IQSEC1: variants seen among roughly 807,000 people sequenced by gnomAD.
IQSEC1 encodes the protein IQ motif and Sec7 domain ArfGEF 1, also known as IQ motif and SEC7 domain-containing protein 1.
A neutral mutation model predicts 91.0 loss-of-function variants in IQSEC1; 31 were observed. The ratio of observed to expected loss-of-function variants is 0.34; its 90% CI spans 0.26 to 0.46. The LOEUF (loss-of-function observed/expected upper bound fraction) is 0.46, where lower values mean the gene tolerates loss of function less well. Among genes scored for constraint, IQSEC1 ranks in the 20% least tolerant of loss-of-function variants. IQSEC1 has a pLI of 1.00. For missense variants in IQSEC1, 1,388 were observed against 1,575.6 expected (o/e 0.88, Z 2.02); for synonymous variants, 699 against 662.6 (o/e 1.05, Z -0.84).
intron 1 of IQSEC1, among the ~76,000 whole-genome samples, chr3:13,165,610 A>C (rs1344057569): frequency 2.2e-5 from 3 of 138,204 alleles, no homozygotes; most frequent in Admixed American, 7.7e-5. Flanking sequence ...TCGCCATCTT[A>C]GGTTGCTCAC....
At chr3:12,905,181 C>T (rs1380132719) in intron 12 of IQSEC1, among the ~76,000 whole-genome samples, 3 of 152,258 alleles carry the variant, frequency 2.0e-5, no homozygotes, top group East Asian at 1.9e-4. Flanking sequence ...TAGTGGCTCA[C>T]ACCACACACG....
intron 2 of IQSEC1, among the ~76,000 whole-genome samples, chr3:13,085,499 A>C (rs1440082208): frequency 6.6e-6 from 1 of 152,176 alleles, no homozygotes; most frequent in Non-Finnish European, 1.5e-5. Flanking sequence ...AGTGTGTTTA[A>C]GGACCAGAAA....
intron 1 of IQSEC1, among the ~76,000 whole-genome samples, chr3:13,043,799 C>G (rs758358252): frequency 6.6e-5 from 10 of 152,202 alleles, no homozygotes; most frequent in Admixed American, 5.9e-4. Context: ...ACACTCACCC[C>G]CTCTGGCCGC....
chr3:13,024,763 C>T (rs1487703353), intron 1 of IQSEC1, among the ~76,000 whole-genome samples: 2 of 152,228 alleles, frequency 1.3e-5, no homozygotes, highest in Non-Finnish European at 2.9e-5. Flanking sequence ...ACCCATCCAT[C>T]CACTCATCGG....
chr3:13,072,356 C>T (rs1419270418), intron 1 of IQSEC1, among the ~76,000 whole-genome samples: 3 of 152,206 alleles, frequency 2.0e-5, no homozygotes, highest in Non-Finnish European at 4.4e-5. Context: ...CCTGGCTAAC[C>T]GAAGCGCAGG....
chr3:12,900,065 T>G lies in IQSEC1; in HGVS notation c.*918A>C. The G allele has an allele frequency of 1.0e-6, 1 of 985,324 alleles. No individual in the cohort carries two copies. Among genetic ancestry groups the G allele is most frequent in the Non-Finnish European group, 1.2e-6 (1 of 829,872 alleles). The allele number at this position is 985,324 out of a possible 1,614,324, so 61.0% of individuals were successfully genotyped here. A position where few individuals can be genotyped will look rare whatever the true frequency, so the allele number is the denominator to read the frequency against. ...AAGACAACCAGCTTGTAACCAGCTG[T>G]CCTGAGTTGCTACTGTAGAGTGTAC... On this transcript the variant is annotated 3_prime_UTR_variant, in exon 14 of 14. Coordinates refer to ENST00000613206, the MANE Select transcript of IQSEC1 (RefSeq NM_001134382.3).
chr3:13,207,085 G>C lies in IQSEC1; in HGVS notation c.273-42952C>G, dbSNP rs561737537. Among the ~76,000 whole-genome samples, 6 of 152,218 alleles carry C rather than the reference G, an allele frequency of 3.9e-5. No homozygotes were observed. In the East Asian group the frequency reaches 9.7e-4, roughly 25 times the overall value. On this transcript the variant is annotated intron_variant, in intron 1 of 15. Coordinates refer to the IQSEC1 transcript ENST00000648114. This position sits in a 1 kb window ranked among gnomAD's most constrained non-coding sequence, Gnocchi z 4.8. ...GAGCTTCGTAGACCTGGGCAGGGCT[G>C]TTGGGAGTTGCTGGCCCTGACAATT...
chr3:13,109,375 T>G (rs978150990), intron 2 of IQSEC1, among the ~76,000 whole-genome samples: 7 of 152,126 alleles, frequency 4.6e-5, no homozygotes, highest in Non-Finnish European at 1.0e-4. Flanking sequence ...AGTGTGTGGA[T>G]AGACAGAGCC....
At chr3:12,912,437 G>A (rs1559612320) in intron 9 of IQSEC1, among the ~76,000 whole-genome samples, 3 of 152,180 alleles carry the variant, frequency 2.0e-5, no homozygotes, top group Non-Finnish European at 4.4e-5. Context: ...ATTCGCTCAA[G>A]GTCAGGAGTT....
At chr3:13,041,894 A>T (rs771736294) in intron 1 of IQSEC1, among the ~76,000 whole-genome samples, 20 of 152,166 alleles carry the variant, frequency 1.3e-4, no homozygotes, top group Non-Finnish European at 2.2e-4. Context: ...GTGCTTAGGG[A>T]GGAGGCAGGC....
intron 1 of IQSEC1, among the ~76,000 whole-genome samples, chr3:12,949,377 G>T (rs1187167359): frequency 2.0e-5 from 3 of 152,270 alleles, no homozygotes; most frequent in African/African-American, 7.2e-5. Flanking sequence ...CATGCTAGAG[G>T]AAGCAGGCAA....
chr3:13,004,840 C>T (rs770212330), intron 1 of IQSEC1, among the ~76,000 whole-genome samples: 12 of 152,142 alleles, frequency 7.9e-5, no homozygotes, highest in Non-Finnish European at 1.6e-4. Context: ...CAAATATCCA[C>T]GAGGTAGCCT....
chr3:13,070,754 G>A (rs1340525470), intron 1 of IQSEC1, among the ~76,000 whole-genome samples: 4 of 152,232 alleles, frequency 2.6e-5, no homozygotes, highest in African/African-American at 7.2e-5. Flanking sequence ...GAGCCTGAGA[G>A]CTGGAGAAGA....
rs1700650853 is a variant in IQSEC1 at position 12,967,419 on chromosome 3, G to A, written c.24-25554C>T. On this transcript the variant is annotated intron_variant, in intron 1 of 13. Coordinates refer to ENST00000613206, the MANE Select transcript of IQSEC1 (RefSeq NM_001134382.3). The surrounding 1 kb of genome is among the most constrained non-coding windows in gnomAD (Gnocchi z 5.9). ...CAAGCTCTAGCTCCAGAAGGGACTG[G>A]GTCCTCTCCGAGTTGCAGTGCAGGC... The A allele has an allele frequency of 6.5e-7, 1 of 1,535,048 alleles. No homozygotes were observed. Among genetic ancestry groups the A allele is most frequent in the Admixed American group, 2.0e-5 (1 of 50,702 alleles).
chr3:13,072,168 C>G (rs950262106), intron 1 of IQSEC1, among the ~76,000 whole-genome samples: 1 of 152,336 alleles, frequency 6.6e-6, no homozygotes, highest in East Asian at 1.9e-4. Flanking sequence ...TGCACAGCCC[C>G]AAATGAGTGG....
At chr3:12,911,822 G>C in intron 9 of IQSEC1, 94 bp from the exon 10 acceptor site, 1 of 857,804 alleles carries the variant, frequency 1.2e-6, no homozygotes, top group Non-Finnish European at 1.9e-6. Flanking sequence ...GGAGTTCAAA[G>C]TCAGGAGGAC....
In IQSEC1 at chr3:12,901,202, A is replaced by ATGG. The variant is rs750152834; in HGVS notation, c.3123_3125dup (p.His1047dup). On this transcript the variant is annotated inframe_insertion, in exon 14 of 14. Transcript: ENST00000613206. ...GCTGGGGTGGGTGGTGGTGGTGGTG[A>ATGG]TGGTGGTACGGGGGAGGGTTCTGCA... 6.5e-7 allele frequency: 1 copy of ATGG among 1,542,412 alleles called. No individual in the cohort carries two copies. The highest frequency in any genetic ancestry group is 2.0e-5 in the Admixed American group (1 of 50,786).
rs552028999 is a variant in IQSEC1, at chr3:12,905,531, G to A, written c.2756-2709C>T. 1.6e-3 allele frequency among the ~76,000 whole-genome samples: 247 copies of A among 152,386 alleles called. 1 individual carries two copies. The highest frequency in any genetic ancestry group is 9.7e-3 in the South Asian group (47 of 4,832). On this transcript the variant is annotated intron_variant, in intron 12 of 13. Coordinates refer to ENST00000613206, the MANE Select transcript of IQSEC1 (RefSeq NM_001134382.3). ...GGAAACGGGCCCACAGGGTCTGACC[G>A]CTAGAGAGGGCAGGCGGAGGTGGGG...
chr3:13,266,255 T>G (rs1248497228), intron 1 of IQSEC1, among the ~76,000 whole-genome samples: 1 of 152,246 alleles, frequency 6.6e-6, no homozygotes, highest in African/African-American at 2.4e-5. Context: ...TGGCACATTG[T>G]GGCAGGAGAG....
Sources: allele counts gnomAD v4.1 joint callset (sites outside exome capture counted in the v4.1 genomes callset), GRCh38; gene constraint gnomAD v4.1.1; non-coding constraint Gnocchi (gnomAD v3.1); transcripts MANE v1.5; gene names NCBI Gene and HGNC (gene_info 2026-07-23, HGNC 2026-07-21).